ZFPM2: variants seen among roughly 807,000 people sequenced by gnomAD.
The protein encoded by ZFPM2 is zinc finger protein ZFPM2.
Under a neutral mutation model 98.6 loss-of-function variants are expected in ZFPM2, and 20 were observed. That is an observed-to-expected ratio of 0.20 (90% CI 0.14 to 0.29). ZFPM2 has a LOEUF of 0.29. ZFPM2 is among the 10% of genes least tolerant of loss of function. The probability of loss-of-function intolerance (pLI) is 1.00; values close to 1 mark genes in which losing one functional copy is unlikely to be tolerated. For synonymous variants in ZFPM2, 518 were observed against 502.7 expected, an observed-to-expected ratio of 1.03 and a Z score of -0.41; for missense variants, 1,310 against 1,388.6, an observed-to-expected ratio of 0.94 and a Z score of 0.90.
At chr8:105,512,038 C>T (rs766791856) in intron 3 of ZFPM2, among the ~76,000 whole-genome samples, 11 of 152,162 alleles carry the variant, frequency 7.2e-5, no homozygotes, top group Non-Finnish European at 1.3e-4. Context: ...CCCAGCTACT[C>T]GGGAGGCTGA....
intron 5 of ZFPM2, among the ~76,000 whole-genome samples, chr8:105,707,562 A>T (rs970456598): frequency 3.3e-5 from 5 of 152,172 alleles, no homozygotes; most frequent in African/African-American, 1.2e-4. Context: ...AGGGTAGGTA[A>T]GACCAATCCA....
At chr8:105,412,464 C>T (rs1214039800) in intron 1 of ZFPM2, among the ~76,000 whole-genome samples, 1 of 151,518 alleles carries the variant, frequency 6.6e-6, no homozygotes, top group East Asian at 1.9e-4. Context: ...AATAACATAA[C>T]ACATGGAAAG....
At chr8:105,363,394 A>G (rs1563622319) in intron 1 of ZFPM2, among the ~76,000 whole-genome samples, 1 of 152,156 alleles carries the variant, frequency 6.6e-6, no homozygotes, top group South Asian at 2.1e-4. Context: ...TTGTTCTGCA[A>G]TATTTGTGTA....
chr8:105,694,988 A>G (rs1810980929), intron 5 of ZFPM2, among the ~76,000 whole-genome samples: 2 of 152,102 alleles, frequency 1.3e-5, no homozygotes, highest in East Asian at 3.9e-4. Flanking sequence ...TTTTAAGATA[A>G]CCCTCTAAAA....
chr8:105,634,986 A>G (rs1271671902), intron 5 of ZFPM2, among the ~76,000 whole-genome samples: 2 of 152,198 alleles, frequency 1.3e-5, no homozygotes, highest in Admixed American at 1.3e-4. Context: ...CAGCAGCTCC[A>G]TGATGGCACA....
In ZFPM2 at chr8:105,362,943, C is replaced by T. The variant is rs559689004; in HGVS notation, c.40+43962C>T. On this transcript the variant is annotated intron_variant, in intron 1 of 7. Transcript: ENST00000407775. ...TATTTAACAATATTTCCTAAGGTAG[C>T]CGGCTGTGTTTAGAGGGTGCTAAGA... 9.9e-5 allele frequency among the ~76,000 whole-genome samples: 15 copies of T among 152,210 alleles called. No individual in the cohort carries two copies. The East Asian group carries it at 2.7e-3, about 27-fold the overall frequency.
intron 1 of ZFPM2, among the ~76,000 whole-genome samples, chr8:105,393,333 T>TG (rs370622164): frequency 0.022 from 2,072 of 92,932 alleles, 61 homozygotes; most frequent in Admixed American, 0.031. Flanking sequence ...TCTCTCTCTC[T>TG]TTGCCTTTCT....
At chr8:105,761,123 A>G (rs942960549) in intron 5 of ZFPM2, among the ~76,000 whole-genome samples, 2 of 152,128 alleles carry the variant, frequency 1.3e-5, no homozygotes, top group Non-Finnish European at 2.9e-5. Context: ...ATATATTTCT[A>G]TGGGCATCAT....
At chr8:105,483,433 T>C (rs1197865208) in intron 3 of ZFPM2, among the ~76,000 whole-genome samples, 2 of 151,630 alleles carry the variant, frequency 1.3e-5, no homozygotes, top group African/African-American at 4.8e-5. Context: ...CTACTAAAAA[T>C]ACAAAAATTA....
chr8:105,795,236 C>CATTT (rs1813757955), intron 6 of ZFPM2, among the ~76,000 whole-genome samples: 1 of 140,872 alleles, frequency 7.1e-6, no homozygotes, highest in Non-Finnish European at 1.5e-5. Context: ...TCCTCCCCCT[C>CATTT]ATTTTATCTT....
At chr8:105,353,432 A>C (rs1323385332) in intron 1 of ZFPM2, among the ~76,000 whole-genome samples, 1 of 152,166 alleles carries the variant, frequency 6.6e-6, no homozygotes, top group Non-Finnish European at 1.5e-5. Flanking sequence ...CTACACAGGC[A>C]AGGATTTTTG....
intron 3 of ZFPM2, among the ~76,000 whole-genome samples, chr8:105,507,776 C>A (rs1384595260): frequency 2.6e-5 from 4 of 152,022 alleles, no homozygotes; most frequent in African/African-American, 7.2e-5. Context: ...TGCTTGTACC[C>A]CTGGAGAGGA....
intron 3 of ZFPM2, among the ~76,000 whole-genome samples, chr8:105,445,506 G>A (rs543939285): frequency 5.3e-5 from 8 of 150,158 alleles, no homozygotes; most frequent in Non-Finnish European, 4.4e-5. Flanking sequence ...AGATTCCCTC[G>A]ATTAAAAAAA....
chr8:105,330,585 T>TATAC (rs1812203404), intron 1 of ZFPM2, among the ~76,000 whole-genome samples: 2 of 52,410 alleles, frequency 3.8e-5, no homozygotes, highest in African/African-American at 1.9e-4. Flanking sequence ...TATATACATA[T>TATAC]ATATATATAC....
intron 5 of ZFPM2, among the ~76,000 whole-genome samples, chr8:105,766,927 G>T (rs556947639): frequency 1.3e-5 from 2 of 151,894 alleles, no homozygotes; most frequent in East Asian, 3.9e-4. Context: ...TTCCTGATGG[G>T]GGTTATAGTT....
At chr8:105,558,332 A>G (rs2130690119) in intron 3 of ZFPM2, among the ~76,000 whole-genome samples, 1 of 152,326 alleles carries the variant, frequency 6.6e-6, no homozygotes, top group Middle Eastern at 3.4e-3. Flanking sequence ...AGCATAAGAA[A>G]GGATTTTCCT....
chr8:105,629,805 A>G (rs1431771386), intron 4 of ZFPM2, among the ~76,000 whole-genome samples: 1 of 152,038 alleles, frequency 6.6e-6, no homozygotes, highest in East Asian at 1.9e-4. Flanking sequence ...TCAGTCCCCC[A>G]TCTTTAAAGG....
chr8:105,518,865 A>G (rs1231225686), intron 3 of ZFPM2, among the ~76,000 whole-genome samples: 5 of 152,364 alleles, frequency 3.3e-5, no homozygotes, highest in Non-Finnish European at 4.4e-5. Context: ...ACTTTGTGAT[A>G]TATCACTGAT....
At chr8:105,722,020 G>A (rs1224067189) in intron 5 of ZFPM2, among the ~76,000 whole-genome samples, 1 of 151,738 alleles carries the variant, frequency 6.6e-6, no homozygotes, top group Admixed American at 6.6e-5. Context: ...AATTGGTAAT[G>A]TTTTTGATAT....
Sources: gnomAD v4.1 joint callset for allele counts (sites outside exome capture counted in the v4.1 genomes callset) on GRCh38, gnomAD v4.1.1 for gene constraint, MANE v1.5 for transcripts, NCBI Gene and HGNC (gene_info 2026-07-23, HGNC 2026-07-21) for gene names.